CEP135: variants seen among roughly 807,000 people sequenced by gnomAD.
CEP135 encodes the protein centrosomal protein 135.
A neutral mutation model predicts 157.3 loss-of-function variants in CEP135; 142 were observed. That is an observed-to-expected ratio of 0.90 (90% confidence interval 0.79 to 1.04). The LOEUF (loss-of-function observed/expected upper bound fraction) is 1.04, where lower values mean the gene tolerates loss of function less well. Ranked by LOEUF, CEP135 falls within the 50% of genes least tolerant of loss-of-function variation. The probability of loss-of-function intolerance (pLI) is 0.00; values close to 1 mark genes in which losing one functional copy is unlikely to be tolerated. For missense variants in CEP135, 1,317 were observed against 1,309.2 expected, an observed-to-expected ratio of 1.01 and a Z score of -0.09; for synonymous variants, 396 against 439.8, an observed-to-expected ratio of 0.90 and a Z score of 1.25.
chr4:56,012,554 A>G (rs1389456267), intron 21 of CEP135, among the ~76,000 whole-genome samples: 1 of 152,214 alleles, frequency 6.6e-6, no homozygotes, highest in African/African-American at 2.4e-5. Flanking sequence ...TTGTGTAACT[A>G]TCACCATTAT....
chr4:56,027,231 A>G (rs1465467246), intron 25 of CEP135, among the ~76,000 whole-genome samples: 1 of 152,168 alleles, frequency 6.6e-6, no homozygotes, highest in East Asian at 1.9e-4. Context: ...TGACACAGAC[A>G]TTTTCTCATG....
At chr4:55,975,814 C>G (rs1056981424) in intron 11 of CEP135, among the ~76,000 whole-genome samples, 5 of 152,132 alleles carry the variant, frequency 3.3e-5, no homozygotes, top group Non-Finnish European at 7.4e-5. Flanking sequence ...GCCGAATTTA[C>G]TAATTTTGTC....
intron 9 of CEP135, among the ~76,000 whole-genome samples, chr4:55,970,668 GTAGT>G: frequency 6.6e-6 from 1 of 152,266 alleles, no homozygotes; most frequent in Non-Finnish European, 1.5e-5. Context: ...AGATGTTGCC[GTAGT>G]TACTTTCTTA....
chr4:55,969,163 C>A (rs1222018572), intron 9 of CEP135, 35 bp downstream of exon 9: 2 of 1,592,758 alleles, frequency 1.3e-6, no homozygotes, highest in Non-Finnish European at 8.6e-7. Flanking sequence ...CCAGCATTTT[C>A]AGTAAGAAAA....
Position 55,981,347 on chromosome 4 carries a change from G to C in CEP135, c.1747G>C (p.Ala583Pro). 1 of 1,582,874 alleles carries C rather than the reference G, an allele frequency of 6.3e-7. No homozygotes were observed. Among genetic ancestry groups the C allele is most frequent in the African/African-American group, 1.4e-5 (1 of 72,606 alleles). ...LALSDLRRIMAEKEALREKLE... is the reference protein window; with the variant it reads ...LALSDLRRIMPEKEALREKLE... ...GTTATCTGACTTAAGAAGAATTATG[G>C]CAGAAAAGGAAGCTTTAAGAGAAAA... Residue 583 changes from alanine (A) to proline (P), a missense_variant, in exon 13 of 26, where the codon GCA (alanine) becomes CCA (proline). By Grantham distance (27) the Ala-to-Pro change is conservative. Transcript: ENST00000257287.
chr4:55,998,536 G>A lies in CEP135; in HGVS notation c.2010-766G>A, dbSNP rs185583350. On this transcript the variant is annotated intron_variant, in intron 15 of 25. Transcript: ENST00000257287. ...TTTCTGTCACTCCATTTGACTACCCGGCCAAAAAGTCAGAATAAGAAGCAA... is the reference window on the plus strand; with the variant it reads ...TTTCTGTCACTCCATTTGACTACCCAGCCAAAAAGTCAGAATAAGAAGCAA... Among the ~76,000 whole-genome samples, 4 of 152,064 alleles carry A rather than the reference G, an allele frequency of 2.6e-5. No individual in the cohort carries two copies. The East Asian group carries it at 5.8e-4, about 22-fold the overall frequency.
intron 1 of CEP135, 83 bp from the exon 2 acceptor site, chr4:55,952,003 A>C (rs375652214): frequency 3.9e-6 from 2 of 509,832 alleles, no homozygotes; most frequent in Non-Finnish European, 7.1e-6. Flanking sequence ...TAATTGCTTC[A>C]TATTAAAATA....
chr4:56,011,755 G>T, intron 20 of CEP135, 45 bp from the exon 21 acceptor site: 1 of 1,467,232 alleles, frequency 6.8e-7, no homozygotes, highest in South Asian at 1.3e-5. Flanking sequence ...GTTCCAGGAA[G>T]TGACAATTAC....
intron 11 of CEP135, among the ~76,000 whole-genome samples, chr4:55,976,292 G>A (rs1175253040): frequency 6.6e-6 from 1 of 151,602 alleles, no homozygotes; most frequent in Non-Finnish European, 1.5e-5. Flanking sequence ...GTGGGAAAAT[G>A]CAGTACAGGT....
intron 4 of CEP135, among the ~76,000 whole-genome samples, chr4:55,956,486 T>A (rs749206671): frequency 6.6e-6 from 1 of 152,244 alleles, no homozygotes; most frequent in East Asian, 1.9e-4. Flanking sequence ...CTAACTTTGC[T>A]ACTTACAATT....
rs563143503 is a variant in CEP135, at chr4:55,997,939, GT to G, written c.2010-1359del. ...TTGAACCTAATGTCTTTCTAACTTG[GT>G]TTTGTTTAGTTTTGCAAGTCTAAAT... On this transcript the variant is annotated intron_variant, in intron 15 of 25. Transcript: ENST00000257287. Among the ~76,000 whole-genome samples, 8 of 152,208 alleles carry G rather than the reference GT, an allele frequency of 5.3e-5. No homozygotes were observed. The South Asian group carries it at 1.7e-3, about 32-fold the overall frequency.
chr4:56,028,828 T>C (rs1051438275), intron 25 of CEP135, among the ~76,000 whole-genome samples: 7 of 152,160 alleles, frequency 4.6e-5, no homozygotes, highest in South Asian at 2.1e-4. Flanking sequence ...CAGACACCAA[T>C]TGATCTCAAT....
At chr4:55,960,002 C>T (rs1026328861) in intron 6 of CEP135, 5 of 583,562 alleles carry the variant, frequency 8.6e-6, no homozygotes, top group Non-Finnish European at 1.5e-5. Context: ...CCTATGGTCC[C>T]AGGTACTTGG....
intron 11 of CEP135, among the ~76,000 whole-genome samples, chr4:55,978,522 A>G (rs1232664178): frequency 1.3e-5 from 2 of 152,174 alleles, no homozygotes; most frequent in Non-Finnish European, 2.9e-5. Context: ...CCTTTTCTAG[A>G]ATCTGTACAG....
At chr4:55,992,775 T>C (rs1729838001) in intron 15 of CEP135, among the ~76,000 whole-genome samples, 1 of 152,232 alleles carries the variant, frequency 6.6e-6, no homozygotes, top group African/African-American at 2.4e-5. Flanking sequence ...AGAAATACGA[T>C]AAGTAGAACA....
intron 11 of CEP135, among the ~76,000 whole-genome samples, chr4:55,975,941 C>T (rs548358027): frequency 1.7e-4 from 26 of 152,104 alleles, no homozygotes; most frequent in Non-Finnish European, 2.9e-4. Context: ...TCAGTGTAAG[C>T]ACTATACTAT....
chr4:55,959,860 GT>G, intron 6 of CEP135, 94 bp downstream of exon 6: 1 of 958,318 alleles, frequency 1.0e-6, no homozygotes, highest in Non-Finnish European at 1.7e-6. Context: ...CTGATACTGA[GT>G]TTTTATACAG....
intron 24 of CEP135, among the ~76,000 whole-genome samples, chr4:56,023,730 G>GTATCATATATAGTA (rs569914001): frequency 7.2e-6 from 1 of 139,688 alleles, no homozygotes; most frequent in Non-Finnish European, 1.5e-5. Context: ...AATATATATT[G>GTATCATATATAGTA]TATCATATAT....
In CEP135 at chr4:56,031,496, A is replaced by T. The variant is rs1238935667; in HGVS notation, c.*148A>T. 6.6e-6 allele frequency: 1 copy of T among 152,596 alleles called. No homozygotes were observed. The highest frequency in any genetic ancestry group is 1.5e-5 in the Non-Finnish European group (1 of 68,030). 9.5% of individuals were successfully genotyped at this position (152,596 alleles called of 1,614,324 possible). A position where few individuals can be genotyped will look rare whatever the true frequency, so the allele number is the denominator to read the frequency against. ...CTGTCAACTTTTATTTAAATCAGTG[A>T]ATATGTTAAAAAGTTTGGTTTAAAA... On this transcript the variant is annotated 3_prime_UTR_variant, in exon 26 of 26. Coordinates refer to ENST00000257287, the MANE Select transcript of CEP135 (RefSeq NM_025009.5).
Sources: allele counts gnomAD v4.1 joint callset (sites outside exome capture counted in the v4.1 genomes callset), GRCh38; gene constraint gnomAD v4.1.1; transcripts MANE v1.5; gene names NCBI Gene and HGNC (gene_info 2026-07-23, HGNC 2026-07-21).